Variants in PWWP3A observed in about 807,000 individuals in gnomAD.
PWWP3A encodes the protein PWWP domain-containing DNA repair factor 3A.
In PWWP3A, 53 loss-of-function variants were observed where a neutral mutation model predicts 79.0. The observed-to-expected ratio is 0.67, with a 90% CI of 0.54 to 0.84. The LOEUF is 0.84. Ranked by LOEUF, PWWP3A falls within the 40% of genes least tolerant of loss-of-function variation. PWWP3A has a pLI of 0.00. For synonymous variants in PWWP3A, 443 were observed against 394.4 expected, an observed-to-expected ratio of 1.12 and a Z score of -1.46; for missense variants, 973 against 948.0, an observed-to-expected ratio of 1.03 and a Z score of -0.35.
At chr19:1,373,811 C>G (rs576754752) in intron 13 of PWWP3A, 5 of 152,682 alleles carry the variant, frequency 3.3e-5, no homozygotes, top group East Asian at 1.9e-4. Context: ...ACACTGAACT[C>G]CCTCACCAGC....
chr19:1,372,257 G>C (rs2082278236), intron 12 of PWWP3A: 1 of 152,342 alleles, frequency 6.6e-6, no homozygotes, highest in East Asian at 1.9e-4. Flanking sequence ...CAGGGACGCT[G>C]CTCAGCACCC....
chr19:1,364,644 C>A, intron 7 of PWWP3A, 65 bp downstream of exon 7: 2 of 1,192,786 alleles, frequency 1.7e-6, no homozygotes, highest in Non-Finnish European at 1.2e-6. Context: ...TTTATTCCAT[C>A]CATCTTTAGT....
Position 1,369,013 on chromosome 19 carries a change from G to C in PWWP3A, c.1423-252G>C, listed in dbSNP as rs138248515. ...CCCACCTGCGTTCAGATCAGCCCAA[G>C]CCATCGGGTCCCCGGTGCCCACCAT... is the stretch of plus-strand genomic sequence containing the variant. On this transcript the variant is annotated intron_variant, in intron 9 of 13. Transcript: ENST00000591337. The surrounding 1 kb of genome is among the most constrained non-coding windows in gnomAD (Gnocchi z 4.0). 1.1e-4 allele frequency: 48 copies of C among 452,478 alleles called. No homozygotes were observed. The highest frequency in any genetic ancestry group is 1.8e-4 in the Non-Finnish European group (44 of 243,946). 28.0% of individuals were successfully genotyped at this position (452,478 alleles called of 1,614,324 possible).
At position 1,376,291 on chromosome 19, in the gene PWWP3A, G is replaced by GTTTTTTTTTTTTTT. The variant is rs1350699607; in HGVS notation, c.2076-225_2076-224insTTTTTTTTTTTTTT. Among the ~76,000 whole-genome samples, 20 of 50,854 alleles carry GTTTTTTTTTTTTTT rather than the reference G, an allele frequency of 3.9e-4. 2 individuals carry two copies. The highest frequency in any genetic ancestry group is 8.4e-4 in the Admixed American group (4 of 4,784). The allele number at this position is 50,854 out of a possible 152,430, so 33.4% of individuals were successfully genotyped here. A position where few individuals can be genotyped will look rare whatever the true frequency, so the allele number is the denominator to read the frequency against. On this transcript the variant is annotated intron_variant, in intron 13 of 13. Coordinates refer to ENST00000591337, the MANE Select transcript of PWWP3A (RefSeq NM_001369789.1). Reference sequence around the variant, plus strand: ...CAGACATGCGCCACCACGCCCGGCTGTTTGTTTTTTTTTTTGTTTGTTTTT... The same window carrying GTTTTTTTTTTTTTT: ...CAGACATGCGCCACCACGCCCGGCTGTTTTTTTTTTTTTTTTTGTTTTTTTTTTTGTTTGTTTTT...
chr19:1,359,089 C>T (rs2081952253), intron 4 of PWWP3A: 1 of 220,858 alleles, frequency 4.5e-6, no homozygotes, highest in Admixed American at 4.8e-5. Context: ...GTGAGAAAAG[C>T]TTTGCCTGAG....
At position 1,361,029 on chromosome 19, in the gene PWWP3A, A is replaced by G. The variant is rs1426119669; in HGVS notation, c.1108A>G (p.Lys370Glu). Residue 370 changes from lysine to glutamate, a missense_variant, in exon 5 of 14, where the codon AAA becomes GAA. Coordinates refer to ENST00000591337, the MANE Select transcript of PWWP3A (RefSeq NM_001369789.1). Reference protein sequence around the residue: ...LPCPDSQKLEKECQSSEESMG... With the variant: ...LPCPDSQKLEEECQSSEESMG... ...TTGCCCGGATTCCCAGAAGCTGGAG[A>G]AAGGTAAAAGTTTCTCGTGGAGGAG... 2 of 1,427,156 alleles carry G rather than the reference A, an allele frequency of 1.4e-6. No individual in the cohort carries two copies. Among genetic ancestry groups the G allele is most frequent in the Admixed American group, 3.2e-5 (1 of 31,028 alleles). The allele number at this position is 1,427,156 out of a possible 1,614,324, so 88.4% of individuals were successfully genotyped here. A position where few individuals can be genotyped will look rare whatever the true frequency, so the allele number is the denominator to read the frequency against.
chr19:1,376,300 TTTTTTTGTTTG>T lies in PWWP3A; in HGVS notation c.2076-212_2076-202del, dbSNP rs1198437143. ...GCCACCACGCCCGGCTGTTTGTTTT[TTTTTTTGTTTG>T]TTTTTTTTTTTTTTTGGTATTTTTT... On this transcript the variant is annotated intron_variant, in intron 13 of 13. Coordinates refer to ENST00000591337, the MANE Select transcript of PWWP3A (RefSeq NM_001369789.1). 2.0e-4 allele frequency among the ~76,000 whole-genome samples: 18 copies of T among 91,770 alleles called. 1 individual carries two copies. Among genetic ancestry groups the T allele is most frequent in the Non-Finnish European group, 3.4e-4 (16 of 47,546 alleles). 60.2% of individuals were successfully genotyped at this position (91,770 alleles called of 152,430 possible). A position where few individuals can be genotyped will look rare whatever the true frequency, so the allele number is the denominator to read the frequency against.
At chr19:1,355,333 TTCCCG>T (rs1487586085) in intron 1 of PWWP3A, among the ~76,000 whole-genome samples, 198 bp downstream of exon 1, 1 of 151,710 alleles carries the variant, frequency 6.6e-6, no homozygotes, top group Non-Finnish European at 1.5e-5. Context: ...TGGACTCCTT[TTCCCG>T]TCCCTGCCGC....
At chr19:1,367,260 C>G (rs553228236) in intron 9 of PWWP3A, 40 bp downstream of exon 9, 3 of 1,533,844 alleles carry the variant, frequency 2.0e-6, no homozygotes, top group African/African-American at 2.7e-5. Flanking sequence ...AAATGGTTTA[C>G]TTTGTGATTA....
chr19:1,371,160 G>A lies in PWWP3A; in HGVS notation c.1986+82G>A, dbSNP rs116347581. On this transcript the variant is annotated intron_variant, in intron 12 of 13. Coordinates refer to ENST00000591337, the MANE Select transcript of PWWP3A (RefSeq NM_001369789.1). ...CAACTCCGCACGAGGAGGCTGCCAC[G>A]GTCCTCGCCCCTGCTCCCTGGCCGT... is the stretch of plus-strand genomic sequence containing the variant. The A allele has an allele frequency of 1.8e-3, 2,652 of 1,464,788 alleles. 50 individuals carry two copies. The African/African-American group carries it at 0.033, about 18-fold the overall frequency. 90.7% of individuals were successfully genotyped at this position (1,464,788 alleles called of 1,614,324 possible).
Position 1,366,293 on chromosome 19 carries a change from A to G in PWWP3A, c.1285-12A>G, listed in dbSNP as rs1195286608. On this transcript the variant is annotated splice_polypyrimidine_tract_variant and intron_variant, in intron 7 of 13. Coordinates refer to ENST00000591337, the MANE Select transcript of PWWP3A (RefSeq NM_001369789.1). The stretch of plus-strand genomic sequence containing the variant: ...TTGTTTTGACGTTTTATTTTCTTGG[A>G]TTTGTGAACAGGTCAAAAGCGTCAG... 2 of 1,613,676 alleles carry G rather than the reference A, an allele frequency of 1.2e-6. No homozygotes were observed. Among genetic ancestry groups the G allele is most frequent in the Non-Finnish European group, 1.7e-6 (2 of 1,179,614 alleles).
chr19:1,364,964 C>T (rs1352881608), intron 7 of PWWP3A, among the ~76,000 whole-genome samples: 2 of 151,896 alleles, frequency 1.3e-5, no homozygotes, highest in Non-Finnish European at 2.9e-5. Context: ...ACTAAAAATA[C>T]AAAAAATTAG....
intron 4 of PWWP3A, chr19:1,359,390 G>A (rs1795834406): frequency 6.7e-6 from 1 of 150,270 alleles, no homozygotes; most frequent in Non-Finnish European, 1.5e-5. Context: ...ATCTTGGATG[G>A]CGTCGTCCTT....
chr19:1,372,921 G>A (rs2082292534), intron 12 of PWWP3A, 151 bp from the exon 13 acceptor site: 1 of 610,680 alleles, frequency 1.6e-6, no homozygotes, highest in African/African-American at 1.9e-5. Flanking sequence ...AGGGATTCAT[G>A]GACTAGGTTT....
rs927078329 is a variant in PWWP3A, at chr19:1,369,812, C to T, written c.1549+166C>T. Among the ~76,000 whole-genome samples, 1 of 152,200 alleles carries T rather than the reference C, an allele frequency of 6.6e-6. No individual in the cohort carries two copies. The highest frequency in any genetic ancestry group is 1.5e-5 in the Non-Finnish European group (1 of 68,042). ...GAGGTTTTGATGTGACCCTGAGGCT[C>T]CCTGGGACCTGGGGCTGCTGGTGTC... is the stretch of plus-strand genomic sequence containing the variant. On this transcript the variant is annotated intron_variant, in intron 11 of 13. Coordinates refer to ENST00000591337, the MANE Select transcript of PWWP3A (RefSeq NM_001369789.1). This position sits in a 1 kb window ranked among gnomAD's most constrained non-coding sequence, Gnocchi z 4.0.
In PWWP3A at chr19:1,360,903, G is replaced by C. The variant is rs767705392; in HGVS notation, c.982G>C (p.Gly328Arg). ...GGCAGCAGGGGCCGCACCATCCCCC[G>C]GGCCGGGGCCAGGGCCCAGAGAGTC... ...PMAAGAAPSP[G>R]PGPGPRESVT... Residue 328 changes from glycine (G) to arginine (R), a missense_variant, in exon 5 of 14, where the codon GGG (glycine) becomes CGG (arginine). Physicochemically the swap from Gly to Arg is moderately radical, Grantham distance 125. Transcript: ENST00000591337. This position sits in a 1 kb window ranked among gnomAD's most constrained non-coding sequence, Gnocchi z 4.4. 20 of 1,540,670 alleles carry C rather than the reference G, an allele frequency of 1.3e-5. No homozygotes were observed. The highest frequency in any genetic ancestry group is 1.8e-5 in the Non-Finnish European group (20 of 1,142,646).
At chr19:1,356,576 A>T in intron 2 of PWWP3A, 127 bp downstream of exon 2, 1 of 830,960 alleles carries the variant, frequency 1.2e-6, no homozygotes, top group Admixed American at 2.5e-5. Flanking sequence ...GTTGGCACTG[A>T]TTCTCGTTCC....
At chr19:1,371,790 ATAAAAACCCTCAAGCTT>A (rs1195343888) in intron 12 of PWWP3A, among the ~76,000 whole-genome samples, 10 of 151,576 alleles carry the variant, frequency 6.6e-5, no homozygotes, top group Admixed American at 6.6e-4. Flanking sequence ...TTTTTGGAGC[ATAAAAACCCTCAAGCTT>A]TTTTTTTTTT....
rs764759817 is a variant in PWWP3A at position 1,376,501 on chromosome 19, G to C, written c.2076-18G>C. ...CACAATGATTAATTACTAAAATGAA[G>C]ACTCTTGTTTTCTGAAGGGAAAAAG... On this transcript the variant is annotated intron_variant, in intron 13 of 13. Coordinates refer to ENST00000591337, the MANE Select transcript of PWWP3A (RefSeq NM_001369789.1). 2 of 1,611,854 alleles carry C rather than the reference G, an allele frequency of 1.2e-6. No homozygotes were observed. Among genetic ancestry groups the C allele is most frequent in the East Asian group, 2.2e-5 (1 of 44,834 alleles).
Sources: gnomAD v4.1 joint callset for allele counts (sites outside exome capture counted in the v4.1 genomes callset) on GRCh38, gnomAD v4.1.1 for gene constraint, Gnocchi (gnomAD v3.1) non-coding constraint, MANE v1.5 for transcripts, NCBI Gene and HGNC (gene_info 2026-07-23, HGNC 2026-07-21) for gene names.